ST8SIA6: variants seen among roughly 807,000 people sequenced by gnomAD.
The protein encoded by ST8SIA6 is alpha-2,8-sialyltransferase 8F.
ST8SIA6 carries 39 observed loss-of-function variants against 33.6 expected under a neutral mutation model. That is an observed-to-expected ratio of 1.16 (90% CI 0.90 to 1.52). The LOEUF is 1.52. ST8SIA6 is among the 40% of genes most tolerant of loss of function. The pLI is 0.00. For missense variants in ST8SIA6, 441 were observed against 443.8 expected (o/e 0.99, Z 0.06); for synonymous variants, 172 against 167.2 (o/e 1.03, Z -0.22).
intron 3 of ST8SIA6, among the ~76,000 whole-genome samples, chr10:17,361,727 A>C (rs1849397581): frequency 2.0e-5 from 3 of 151,652 alleles, no homozygotes; most frequent in South Asian, 2.1e-4. Flanking sequence ...AAAAAAAAAA[A>C]CCGGGCAGGC....
At chr10:17,426,559 C>T (rs142741584) in intron 2 of ST8SIA6, among the ~76,000 whole-genome samples, 1 of 152,258 alleles carries the variant, frequency 6.6e-6, no homozygotes, top group East Asian at 1.9e-4. Flanking sequence ...ATTAATTCTC[C>T]CACATCTCAA....
At chr10:17,335,475 AG>A (rs1360668621) in intron 4 of ST8SIA6, among the ~76,000 whole-genome samples, 1 of 152,232 alleles carries the variant, frequency 6.6e-6, no homozygotes, top group Admixed American at 6.5e-5. Context: ...CGTGAAAAGT[AG>A]GGGTAATATT....
At chr10:17,363,937 G>A (rs936397469) in intron 3 of ST8SIA6, among the ~76,000 whole-genome samples, 7 of 152,154 alleles carry the variant, frequency 4.6e-5, no homozygotes, top group Non-Finnish European at 8.8e-5. Context: ...AGACTTTGCT[G>A]CCACATCTAA....
chr10:17,337,581 T>C (rs1406512290), intron 4 of ST8SIA6, among the ~76,000 whole-genome samples: 1 of 152,228 alleles, frequency 6.6e-6, no homozygotes, highest in Non-Finnish European at 1.5e-5. Flanking sequence ...GATAAGCATA[T>C]GCTCTTTGTC....
intron 4 of ST8SIA6, among the ~76,000 whole-genome samples, chr10:17,353,178 A>T (rs2131610616): frequency 6.6e-6 from 1 of 151,150 alleles, no homozygotes; most frequent in African/African-American, 2.4e-5. Flanking sequence ...TGTTAATTGA[A>T]TGAAAAAGTG....
At chr10:17,442,845 C>T (rs1852551380) in intron 2 of ST8SIA6, among the ~76,000 whole-genome samples, 1 of 152,162 alleles carries the variant, frequency 6.6e-6, no homozygotes, top group African/African-American at 2.4e-5. Flanking sequence ...ACGTAAATCT[C>T]ACTGTCTATC....
Position 17,351,375 on chromosome 10 carries a change from TA to T in ST8SIA6, c.377+8138del, listed in dbSNP as rs918141465. 1.5e-3 allele frequency among the ~76,000 whole-genome samples: 229 copies of T among 149,342 alleles called. 1 individual carries two copies. The highest frequency in any genetic ancestry group is 5.4e-3 in the African/African-American group (218 of 40,578). On this transcript the variant is annotated intron_variant, in intron 4 of 7. Coordinates refer to ENST00000377602, the MANE Select transcript of ST8SIA6 (RefSeq NM_001004470.3). ...TACCTCTTCATTTGTTAAATGGGGT[TA>T]AAAAAAAAGTTAAATTTCTTCCAGG... is the stretch of plus-strand genomic sequence containing the variant.
intron 4 of ST8SIA6, among the ~76,000 whole-genome samples, chr10:17,353,243 A>G (rs10752076): frequency 0.4 from 61,057 of 152,020 alleles, 12,669 homozygotes; most frequent in East Asian, 0.59. Context: ...TTGCAGAAAT[A>G]GTTCAGAAAA....
chr10:17,448,091 G>C (rs899559899), intron 2 of ST8SIA6, among the ~76,000 whole-genome samples: 1 of 152,182 alleles, frequency 6.6e-6, no homozygotes, highest in Non-Finnish European at 1.5e-5. Flanking sequence ...GTGAGCCACT[G>C]TGCCTGGCCT....
chr10:17,374,188 T>G (rs1181237317), intron 3 of ST8SIA6, among the ~76,000 whole-genome samples: 1 of 145,650 alleles, frequency 6.9e-6, no homozygotes, highest in Non-Finnish European at 1.5e-5. Context: ...TCCCATTTTT[T>G]TATCTTTAAA....
At chr10:17,448,889 G>A (rs1436220025) in intron 2 of ST8SIA6, among the ~76,000 whole-genome samples, 2 of 150,598 alleles carry the variant, frequency 1.3e-5, no homozygotes, top group African/African-American at 4.9e-5. Flanking sequence ...AAAAGTGCTG[G>A]GATTACAGGC....
chr10:17,453,585 C>G lies in ST8SIA6; in HGVS notation c.174G>C (p.Ala58=). 7.5e-7 allele frequency: 1 copy of G among 1,326,758 alleles called. No individual in the cohort carries two copies. The highest frequency in any genetic ancestry group is 9.7e-7 in the Non-Finnish European group (1 of 1,030,968). The allele number at this position is 1,326,758 out of a possible 1,614,324, so 82.2% of individuals were successfully genotyped here. A position where few individuals can be genotyped will look rare whatever the true frequency, so the allele number is the denominator to read the frequency against. Reference sequence around the variant, plus strand: ...TGTTAGTGGCGCGCGGTACCGCGGTCGCCGGGCTCCGGAGCGTCCTCAGCG... The same window carrying G: ...TGTTAGTGGCGCGCGGTACCGCGGTGGCCGGGCTCCGGAGCGTCCTCAGCG... ...PAALRTLRSP[A]TAVPRATNST... The change falls in exon 2 of 8, where the codon GCG becomes GCC. Residue 58 remains alanine (A), a synonymous_variant. Transcript: ENST00000377602.
chr10:17,356,148 T>C (rs1397243671), intron 4 of ST8SIA6, among the ~76,000 whole-genome samples: 1 of 152,212 alleles, frequency 6.6e-6, no homozygotes, highest in East Asian at 1.9e-4. Context: ...CATGACACTT[T>C]TTTGTTTACT....
rs1209535477 is a variant in ST8SIA6, at chr10:17,320,739, A to T, written c.*139T>A. 4 of 737,176 alleles carry T rather than the reference A, an allele frequency of 5.4e-6. No individual in the cohort carries two copies. The highest frequency in any genetic ancestry group is 8.9e-6 in the Non-Finnish European group (4 of 451,284). 45.7% of individuals were successfully genotyped at this position (737,176 alleles called of 1,614,324 possible). ...TTGAATGACTTGCCATCATTGCAAA[A>T]TGAGTGGGGAAGCTTTGGTCAAACC... On this transcript the variant is annotated 3_prime_UTR_variant, in exon 8 of 8. Transcript: ENST00000377602.
intron 2 of ST8SIA6, among the ~76,000 whole-genome samples, chr10:17,450,161 A>G (rs1201401108): frequency 6.6e-6 from 1 of 152,202 alleles, no homozygotes; most frequent in African/African-American, 2.4e-5. Flanking sequence ...AGATAGGATC[A>G]GAAGAGAATC....
At chr10:17,371,871 C>T (rs947192870) in intron 3 of ST8SIA6, among the ~76,000 whole-genome samples, 1 of 150,528 alleles carries the variant, frequency 6.6e-6, no homozygotes, top group Non-Finnish European at 1.5e-5. Context: ...GTACAACTCT[C>T]TTAATATACT....
At chr10:17,323,229 GCACA>G (rs1554783533) in intron 6 of ST8SIA6, 72 bp from the exon 7 acceptor site, 448 of 791,386 alleles carry the variant, frequency 5.7e-4, no homozygotes, top group African/African-American at 2.4e-3. Flanking sequence ...ACATATGCGC[GCACA>G]CACACACACA....
At chr10:17,365,279 C>T (rs1419065739) in intron 3 of ST8SIA6, among the ~76,000 whole-genome samples, 1 of 152,046 alleles carries the variant, frequency 6.6e-6, no homozygotes. Context: ...GATGAAGACC[C>T]ACATGCTGTG....
At chr10:17,405,870 G>A (rs1177655066) in intron 2 of ST8SIA6, among the ~76,000 whole-genome samples, 11 of 140,718 alleles carry the variant, frequency 7.8e-5, no homozygotes, top group Non-Finnish European at 1.4e-4. Flanking sequence ...GGGCAAGAGA[G>A]CAAGACTCCA....
Sources: allele counts gnomAD v4.1 joint callset (sites outside exome capture counted in the v4.1 genomes callset), GRCh38; gene constraint gnomAD v4.1.1; transcripts MANE v1.5; gene names NCBI Gene and HGNC (gene_info 2026-07-23, HGNC 2026-07-21).